COPG2: variants seen among roughly 807,000 people sequenced by gnomAD.
COPG2 encodes the protein coat protein complex I subunit gamma 2.
In COPG2, 37 loss-of-function variants were observed where a neutral mutation model predicts 46.3. That is an observed-to-expected ratio of 0.80 (90% CI 0.61 to 1.05). The LOEUF is 1.05. Among genes scored for constraint, COPG2 ranks in the 50% least tolerant of loss-of-function variants. The pLI is 0.00. For synonymous variants in COPG2, 159 were observed against 129.7 expected, an observed-to-expected ratio of 1.23 and a Z score of -1.53; for missense variants, 427 against 387.8, an observed-to-expected ratio of 1.10 and a Z score of -0.85.
chr7:130,513,095 C>T (rs546057207), intron 20 of COPG2, among the ~76,000 whole-genome samples: 2 of 150,808 alleles, frequency 1.3e-5, no homozygotes, highest in South Asian at 2.1e-4. Context: ...ATACCAGCCT[C>T]GCCAACATGG....
intron 20 of COPG2, among the ~76,000 whole-genome samples, chr7:130,519,892 A>C (rs907486641): frequency 3.3e-5 from 5 of 152,244 alleles, no homozygotes; most frequent in Non-Finnish European, 7.3e-5. Context: ...AGTCTGAAAA[A>C]GAATAGAAGT....
At chr7:130,623,619 T>C (rs1238400556) in intron 5 of COPG2, among the ~76,000 whole-genome samples, 2 of 152,162 alleles carry the variant, frequency 1.3e-5, no homozygotes, top group African/African-American at 4.8e-5. Flanking sequence ...GTATTTTCAT[T>C]GGGATTCCAT....
chr7:130,528,171 C>T (rs955585735), intron 20 of COPG2, among the ~76,000 whole-genome samples: 4 of 151,584 alleles, frequency 2.6e-5, no homozygotes, highest in African/African-American at 7.3e-5. Context: ...AGACTGGGTG[C>T]GTTTGTACCC....
At chr7:130,620,114 T>C (rs1483807188) in intron 5 of COPG2, among the ~76,000 whole-genome samples, 2 of 152,220 alleles carry the variant, frequency 1.3e-5, no homozygotes, top group African/African-American at 4.8e-5. Context: ...TTCTCTTTTT[T>C]AATGTTTTAT....
intron 3 of COPG2, among the ~76,000 whole-genome samples, 168 bp downstream of exon 3, chr7:130,666,681 T>C (rs1796084290): frequency 6.6e-6 from 1 of 152,244 alleles, no homozygotes; most frequent in African/African-American, 2.4e-5. Flanking sequence ...GTATATGTCA[T>C]AGTCCTCGTA....
intron 20 of COPG2, among the ~76,000 whole-genome samples, chr7:130,519,838 G>A (rs1799711076): frequency 2.0e-5 from 3 of 152,202 alleles, no homozygotes; most frequent in Non-Finnish European, 4.4e-5. Flanking sequence ...AAACAGAACT[G>A]TCAGATTGCA....
At chr7:130,601,994 T>C (rs191159994) in intron 9 of COPG2, among the ~76,000 whole-genome samples, 7 of 152,150 alleles carry the variant, frequency 4.6e-5, no homozygotes, top group Admixed American at 3.3e-4. Flanking sequence ...ATAAGTAAAA[T>C]TACGTGGATC....
At chr7:130,530,847 G>A (rs1799817906) in intron 20 of COPG2, among the ~76,000 whole-genome samples, 1 of 152,028 alleles carries the variant, frequency 6.6e-6, no homozygotes, top group African/African-American at 2.4e-5. Flanking sequence ...GCCACAGGTG[G>A]AGTGAGGTGA....
intron 9 of COPG2, among the ~76,000 whole-genome samples, chr7:130,569,083 A>G (rs1793852262): frequency 1.3e-5 from 2 of 152,176 alleles, no homozygotes; most frequent in South Asian, 4.1e-4. Flanking sequence ...ATACTACTAA[A>G]TGCCTACACC....
chr7:130,553,595 A>G (rs1793568992), intron 14 of COPG2, among the ~76,000 whole-genome samples: 1 of 152,230 alleles, frequency 6.6e-6, no homozygotes, highest in Non-Finnish European at 1.5e-5. Flanking sequence ...TTTCAGGTTG[A>G]GTTTGAAGTG....
intron 3 of COPG2, 133 bp downstream of exon 3, chr7:130,666,716 T>C (rs1267416020): frequency 3.4e-6 from 2 of 594,588 alleles, no homozygotes; most frequent in Non-Finnish European, 5.8e-6. Context: ...ATTATTTTGT[T>C]AACCAAACGT....
intron 9 of COPG2, among the ~76,000 whole-genome samples, chr7:130,607,019 T>C (rs1015804990): frequency 6.6e-6 from 1 of 152,108 alleles, no homozygotes; most frequent in Non-Finnish European, 1.5e-5. Context: ...GGCAGATTGA[T>C]TGCTTGAGCT....
chr7:130,626,412 T>C (rs1460806570), intron 5 of COPG2, among the ~76,000 whole-genome samples: 1 of 148,986 alleles, frequency 6.7e-6, no homozygotes, highest in African/African-American at 2.5e-5. Flanking sequence ...TTTTTTTTTT[T>C]TTTTTTTTTC....
intron 5 of COPG2, chr7:130,645,198 C>G (rs1795571263): frequency 1.5e-6 from 1 of 671,486 alleles, no homozygotes; most frequent in Non-Finnish European, 2.8e-6. Flanking sequence ...GAGAGTACCC[C>G]CTTTCCAGAA....
chr7:130,643,423 T>C (rs1472284973), intron 5 of COPG2, among the ~76,000 whole-genome samples: 2 of 152,220 alleles, frequency 1.3e-5, no homozygotes, highest in Admixed American at 6.5e-5. Context: ...TTGCTGGGAA[T>C]GTAAGCATGT....
At chr7:130,523,160 A>ACTGAAGTG (rs1302703371) in intron 20 of COPG2, among the ~76,000 whole-genome samples, 3 of 144,900 alleles carry the variant, frequency 2.1e-5, no homozygotes, top group Non-Finnish European at 3.0e-5. Flanking sequence ...CAAACGGGAG[A>ACTGAAGTG]CTGAAGTGCA....
rs1336699771 is a variant in COPG2, at chr7:130,555,836, T to TAAATA, written c.1129-709_1129-705dup. Among the ~76,000 whole-genome samples, 535 of 151,650 alleles carry TAAATA rather than the reference T, an allele frequency of 3.5e-3. 2 individuals are homozygous for TAAATA. The highest frequency in any genetic ancestry group is 0.012 in the African/African-American group (490 of 41,322). On this transcript the variant is annotated intron_variant, in intron 12 of 23. Coordinates refer to ENST00000425248, the MANE Select transcript of COPG2 (RefSeq NM_012133.6). ...CAGAGAGAGACTCTGTCTCAAAAAATAAATAAAATAAAATAAAATAAAAAT... is the reference window on the plus strand; with the variant it reads ...CAGAGAGAGACTCTGTCTCAAAAAATAAATAAAATAAAATAAAATAAAATAAAAAT...
Position 130,508,628 on chromosome 7 carries a change from A to G in COPG2, c.2181T>C (p.Phe727=), listed in dbSNP as rs782043443. The change falls in exon 21 of 24, where the codon TTT becomes TTC. Residue 727 remains phenylalanine (F), a synonymous_variant. Coordinates refer to ENST00000425248, the MANE Select transcript of COPG2 (RefSeq NM_012133.6). The part of the protein sequence containing the change: ...VAGSFSCTMK[F]TVRDCDPNTG... ...TGTTAGGGTCACAGTCCCGGACTGT[A>G]AACTTCATGGTGCAGCTAAAGGAGC... is the stretch of plus-strand genomic sequence containing the variant. 1.3e-5 allele frequency: 10 copies of G among 773,638 alleles called. No homozygotes were observed. In the East Asian group the frequency reaches 2.2e-4, roughly 17 times the overall value. The allele number at this position is 773,638 out of a possible 1,614,324, so 47.9% of individuals were successfully genotyped here.
intron 4 of COPG2, among the ~76,000 whole-genome samples, chr7:130,662,165 G>A (rs1554460895): frequency 1.3e-5 from 2 of 152,292 alleles, no homozygotes; most frequent in South Asian, 2.1e-4. Context: ...TCCTTTGCCT[G>A]TAGAGTATAT....
Sources: gnomAD v4.1 joint callset for allele counts (sites outside exome capture counted in the v4.1 genomes callset) on GRCh38, gnomAD v4.1.1 for gene constraint, MANE v1.5 for transcripts, NCBI Gene and HGNC (gene_info 2026-07-23, HGNC 2026-07-21) for gene names.